The following BMP7 variants were observed in gnomAD, a reference collection of about 807,000 sequenced individuals.
BMP7 encodes osteogenic protein 1.
BMP7 carries 12 observed loss-of-function variants against 41.2 expected under a neutral mutation model. That is an observed-to-expected ratio of 0.29 (90% CI 0.19 to 0.47). BMP7 has a LOEUF of 0.47. BMP7 is among the 20% of genes least tolerant of loss of function. The probability of loss-of-function intolerance (pLI) is 0.99; values close to 1 mark genes in which losing one functional copy is unlikely to be tolerated. For synonymous variants in BMP7, 248 were observed against 250.0 expected (o/e 0.99, Z 0.07); for missense variants, 467 against 606.0 (o/e 0.77, Z 2.41).
chr20:57,254,017 CTTTT>C (rs35180643), intron 1 of BMP7, among the ~76,000 whole-genome samples: 6 of 71,538 alleles, frequency 8.4e-5, no homozygotes, highest in South Asian at 5.5e-4. Flanking sequence ...GGTTTCTTTC[CTTTT>C]TTTTTTTTTT....
At chr20:57,173,407 G>C (rs1983854439) in intron 5 of BMP7, 97 bp from the exon 6 acceptor site, 8 of 1,193,078 alleles carry the variant, frequency 6.7e-6, no homozygotes. Flanking sequence ...CCAGGCTCAC[G>C]ACCCAAGGTG....
chr20:57,265,855 T>C lies in BMP7; in HGVS notation c.268A>G (p.Met90Val), dbSNP rs1212048440. The C allele has an allele frequency of 6.2e-7, 1 of 1,606,910 alleles. No homozygotes were observed. The highest frequency in any genetic ancestry group is 1.3e-5 in the African/African-American group (1 of 74,804). ...PMFMLDLYNA[M>V]AVEEGGGPGG... ...GGCCCGCCGCCCTCCTCCACCGCCA[T>C]GGCGTTGTACAGGTCCAGCATGAAC... The change falls in exon 1 of 7, where the codon ATG (methionine) becomes GTG (valine). Residue 90 changes from methionine to valine, a missense_variant. By Grantham distance (21) the Met-to-Val change is conservative. Around this residue, in one of 2 missense-constraint regions of BMP7, gnomAD observed 407 missense variants for 485.9 expected, o/e 0.84. Coordinates refer to ENST00000395863, the MANE Select transcript of BMP7 (RefSeq NM_001719.3).
rs1284687074 is a variant in BMP7 at position 57,259,330 on chromosome 20, C to T, written c.418+6375G>A. Reference sequence around the variant, plus strand: ...CTGTGAAGCCCTTTATAGAAAGCCGCGGTTGGCAGCCCCCGCTCCTGCATG... The same window carrying T: ...CTGTGAAGCCCTTTATAGAAAGCCGTGGTTGGCAGCCCCCGCTCCTGCATG... On this transcript the variant is annotated intron_variant, in intron 1 of 6. Transcript: ENST00000395863. The surrounding 1 kb of genome is among the most constrained non-coding windows in gnomAD (Gnocchi z 4.7). Among the ~76,000 whole-genome samples the T allele has an allele frequency of 2.0e-5, 3 of 152,182 alleles. No individual in the cohort carries two copies. Among genetic ancestry groups the T allele is most frequent in the African/African-American group, 4.8e-5 (2 of 41,444 alleles).
At chr20:57,265,680 C>T (rs768202871) in intron 1 of BMP7, 25 bp downstream of exon 1, 1 of 1,584,662 alleles carries the variant, frequency 6.3e-7, no homozygotes, top group South Asian at 1.2e-5. Flanking sequence ...AAAGGAGACG[C>T]GTACCCTCGC....
chr20:57,265,999 T>G lies in BMP7; in HGVS notation c.124A>C (p.Ile42Leu). ...TCCTGGCTGCGGAGGCGCCGGTGGATGAAGCTCGAGTGCACCTCGTTGTCC... is the reference window on the plus strand; with the variant it reads ...TCCTGGCTGCGGAGGCGCCGGTGGAGGAAGCTCGAGTGCACCTCGTTGTCC... ...SLDNEVHSSF[I>L]HRRLRSQERR... is the part of the protein sequence containing the mutation. Residue 42 changes from isoleucine (I) to leucine (L), a missense_variant, in exon 1 of 7, where the codon ATC becomes CTC. By Grantham distance (5) the Ile-to-Leu change is conservative. Transcript: ENST00000395863. The G allele has an allele frequency of 6.5e-7, 1 of 1,549,932 alleles. No individual in the cohort carries two copies. The highest frequency in any genetic ancestry group is 8.7e-7 in the Non-Finnish European group (1 of 1,147,006).
At position 57,231,669 on chromosome 20, in the gene BMP7, T is replaced by A. The variant is rs182293298; in HGVS notation, c.419-3248A>T. Among the ~76,000 whole-genome samples the A allele has an allele frequency of 1.2e-4, 18 of 152,196 alleles. 1 individual carries two copies. In the South Asian group the frequency reaches 1.7e-3, roughly 14 times the overall value. On this transcript the variant is annotated intron_variant, in intron 1 of 6. Transcript: ENST00000395863. The stretch of plus-strand genomic sequence containing the variant: ...CCAAAGACCAGGAAGAGCCCTTGAG[T>A]CGTGCCATGATTCAACTTTCAGCAG...
At chr20:57,209,255 A>T (rs1217695375) in intron 2 of BMP7, among the ~76,000 whole-genome samples, 1,192 of 105,064 alleles carry the variant, frequency 0.011, 28 homozygotes, top group East Asian at 0.027. Context: ...ATTTTTATAT[A>T]TATATATATA....
intron 3 of BMP7, among the ~76,000 whole-genome samples, chr20:57,184,647 G>A (rs570968329): frequency 2.6e-5 from 4 of 152,178 alleles, no homozygotes; most frequent in Admixed American, 6.5e-5. Flanking sequence ...ACCTCATTTG[G>A]AAGCAGGGTC....
At chr20:57,255,490 C>G (rs562882106) in intron 1 of BMP7, among the ~76,000 whole-genome samples, 34 of 152,220 alleles carry the variant, frequency 2.2e-4, no homozygotes, top group African/African-American at 5.8e-4. Context: ...ATGCAAGATC[C>G]TGCCTGGACT....
intron 1 of BMP7, among the ~76,000 whole-genome samples, chr20:57,248,886 C>T (rs2066100589): frequency 6.6e-6 from 1 of 151,670 alleles, no homozygotes; most frequent in Non-Finnish European, 1.5e-5. Context: ...GCAAGCTCCG[C>T]CTCCTGGGTT....
At chr20:57,260,951 G>C (rs760819450) in intron 1 of BMP7, among the ~76,000 whole-genome samples, 1 of 152,270 alleles carries the variant, frequency 6.6e-6, no homozygotes, top group Non-Finnish European at 1.5e-5. Flanking sequence ...CGGATGGGCA[G>C]ATGGGGAAGG....
chr20:57,194,993 C>A (rs767472254), intron 3 of BMP7, among the ~76,000 whole-genome samples: 7 of 152,236 alleles, frequency 4.6e-5, no homozygotes, highest in Non-Finnish European at 8.8e-5. Flanking sequence ...GAGGGATTCA[C>A]TGAGGCATAG....
At chr20:57,219,598 C>G (rs1194388019) in intron 2 of BMP7, among the ~76,000 whole-genome samples, 1 of 152,126 alleles carries the variant, frequency 6.6e-6, no homozygotes, top group African/African-American at 2.4e-5. Context: ...AGAGAATGAG[C>G]CACCCCCAAA....
chr20:57,180,606 G>A (rs1241727429), intron 4 of BMP7, among the ~76,000 whole-genome samples: 1 of 152,178 alleles, frequency 6.6e-6, no homozygotes, highest in Non-Finnish European at 1.5e-5. Context: ...CTTTGTGTGG[G>A]TGTTCGACAT....
intron 2 of BMP7, among the ~76,000 whole-genome samples, chr20:57,216,307 G>T (rs1985017128): frequency 6.6e-6 from 1 of 152,160 alleles, no homozygotes; most frequent in Non-Finnish European, 1.5e-5. Context: ...CCAGAGGCAG[G>T]TCCTGAGTCA....
chr20:57,228,348 TG>T lies in BMP7; in HGVS notation c.491del (p.Pro164GlnfsTer101). On this transcript the variant is annotated frameshift_variant, in exon 2 of 7. Transcript: ENST00000395863. LOFTEE classifies it high-confidence loss of function. This position sits in a 1 kb window ranked among gnomAD's most constrained non-coding sequence, Gnocchi z 4.5. ...REFRFDLSKI[P>X]EGEAVTAAEF... ...CGGCTGCCGTGACAGCTTCCCCTTC[TG>T]GGATCTTGGAAAGATCAAACCGGAA... The T allele has an allele frequency of 6.2e-7, 1 of 1,614,156 alleles. No individual in the cohort carries two copies. The highest frequency in any genetic ancestry group is 1.7e-5 in the Admixed American group (1 of 60,024).
At chr20:57,231,223 C>T (rs1042121171) in intron 1 of BMP7, among the ~76,000 whole-genome samples, 1 of 152,226 alleles carries the variant, frequency 6.6e-6, no homozygotes, top group African/African-American at 2.4e-5. Context: ...AATTCATCCA[C>T]GTCACCGTGC....
intron 3 of BMP7, among the ~76,000 whole-genome samples, chr20:57,195,079 C>G (rs574455696): frequency 1.3e-5 from 2 of 152,346 alleles, no homozygotes; most frequent in East Asian, 3.9e-4. Context: ...AGCCGTGCAT[C>G]CTGGCACCGC....
intron 2 of BMP7, among the ~76,000 whole-genome samples, chr20:57,209,249 T>TTTTATA (rs1407204884): frequency 6.3e-5 from 6 of 94,870 alleles, no homozygotes; most frequent in Non-Finnish European, 8.6e-5. Flanking sequence ...TTATATATTT[T>TTTTATA]TATATATATA....
Sources: allele counts gnomAD v4.1 joint callset (sites outside exome capture counted in the v4.1 genomes callset), GRCh38; gene constraint gnomAD v4.1.1; regional missense constraint gnomAD v4.1.1; non-coding constraint Gnocchi (gnomAD v3.1); transcripts MANE v1.5; gene names NCBI Gene and HGNC (gene_info 2026-07-23, HGNC 2026-07-21).